The following FYB1 variants were observed in gnomAD, a reference collection of about 807,000 sequenced individuals.
The protein encoded by FYB1 is FYN binding protein 1.
Under a neutral mutation model 94.1 loss-of-function variants are expected in FYB1, and 41 were observed. That is an observed-to-expected ratio of 0.44 (90% CI 0.34 to 0.57). The LOEUF (loss-of-function observed/expected upper bound fraction) is 0.57, where lower values mean the gene tolerates loss of function less well. FYB1 is among the 20% of genes least tolerant of loss of function. FYB1 has a pLI of 0.02. For synonymous variants in FYB1, 367 were observed against 353.2 expected, an observed-to-expected ratio of 1.04 and a Z score of -0.44; for missense variants, 1,050 against 976.8, an observed-to-expected ratio of 1.07 and a Z score of -1.00.
At chr5:39,271,930 T>C (rs576158999) in intron 1 of FYB1, among the ~76,000 whole-genome samples, 1 of 152,290 alleles carries the variant, frequency 6.6e-6, no homozygotes, top group Admixed American at 6.5e-5. Flanking sequence ...GTATAACACA[T>C]TTTCCAGAAT....
rs75534820 is a variant in FYB1, at chr5:39,124,454, C to G, written c.2046-176G>C. ...CTCCACTAAGTCCATTTCTGTTTAT[C>G]AATTTGGAACTTAGCAAGACATTTT... On this transcript the variant is annotated intron_variant, in intron 12 of 18. Coordinates refer to ENST00000512982, the MANE Select transcript of FYB1 (RefSeq NM_001465.6). 2.6e-5 allele frequency: 13 copies of G among 491,528 alleles called. No homozygotes were observed. The African/African-American group carries it at 2.7e-4, about 10-fold the overall frequency. 30.4% of individuals were successfully genotyped at this position (491,528 alleles called of 1,614,324 possible).
intron 2 of FYB1, among the ~76,000 whole-genome samples, chr5:39,197,840 T>C (rs1223567950): frequency 1.3e-5 from 2 of 152,214 alleles, no homozygotes; most frequent in Non-Finnish European, 2.9e-5. Context: ...AGGAGGCATC[T>C]GAGCGCAGAA....
intron 2 of FYB1, among the ~76,000 whole-genome samples, chr5:39,186,311 C>T (rs1746786854): frequency 6.6e-6 from 1 of 152,164 alleles, no homozygotes; most frequent in Non-Finnish European, 1.5e-5. Flanking sequence ...GTAATCCCAG[C>T]TACTCAGGAG....
intron 2 of FYB1, among the ~76,000 whole-genome samples, chr5:39,154,718 G>C (rs906227341): frequency 6.6e-6 from 1 of 151,834 alleles, no homozygotes. Flanking sequence ...TGTATTTTTA[G>C]TAGAGATGGG....
intron 1 of FYB1, among the ~76,000 whole-genome samples, chr5:39,246,589 C>T (rs541390940): frequency 1.6e-4 from 25 of 152,260 alleles, no homozygotes; most frequent in Admixed American, 1.0e-3. Flanking sequence ...TCACAGGGTT[C>T]CCTCTCTTAT....
chr5:39,225,036 A>G (rs1482439294), intron 1 of FYB1, among the ~76,000 whole-genome samples: 2 of 152,192 alleles, frequency 1.3e-5, no homozygotes, highest in African/African-American at 2.4e-5. Flanking sequence ...AGATGTCAGC[A>G]ATCTTTAAGA....
intron 2 of FYB1, among the ~76,000 whole-genome samples, chr5:39,189,104 G>A (rs1364105498): frequency 2.6e-5 from 4 of 152,148 alleles, no homozygotes; most frequent in African/African-American, 4.8e-5. Context: ...TCCATTTAGA[G>A]CTCACAATGA....
At chr5:39,263,134 C>T (rs931696404) in intron 1 of FYB1, among the ~76,000 whole-genome samples, 54 of 151,100 alleles carry the variant, frequency 3.6e-4, no homozygotes, top group South Asian at 2.1e-4. Flanking sequence ...AAAGAAAGGG[C>T]GGATGGAATG....
intron 2 of FYB1, among the ~76,000 whole-genome samples, chr5:39,168,301 T>C (rs1410297124): frequency 6.6e-6 from 1 of 152,220 alleles, no homozygotes; most frequent in Non-Finnish European, 1.5e-5. Flanking sequence ...TCAATTACTG[T>C]AAAACCTTTG....
At chr5:39,129,390 T>C (rs1014569859) in intron 10 of FYB1, among the ~76,000 whole-genome samples, 6 of 152,020 alleles carry the variant, frequency 3.9e-5, no homozygotes, top group African/African-American at 1.4e-4. Flanking sequence ...CTCCAAGACA[T>C]TGGTCTAGGT....
At chr5:39,170,485 A>G in intron 2 of FYB1, 1 of 328,486 alleles carries the variant, frequency 3.0e-6, no homozygotes, top group Non-Finnish European at 5.6e-6. Flanking sequence ...GATTCCCTAC[A>G]TCCAATACAT....
chr5:39,111,911 G>C (rs112070279), intron 16 of FYB1, among the ~76,000 whole-genome samples: 2 of 151,866 alleles, frequency 1.3e-5, no homozygotes, highest in Non-Finnish European at 2.9e-5. Flanking sequence ...GTAGCAAAAA[G>C]TATTAATGTA....
rs567975596 is a variant in FYB1, at chr5:39,252,568, G to A, written c.-28+21835C>T. On this transcript the variant is annotated intron_variant, in intron 1 of 1. Transcript: ENST00000510188. ...GTCAAAGCATATGTCTTAAGAGAAG[G>A]GCTCACAGTATCATTAGCACAGTTA... 2.0e-5 allele frequency among the ~76,000 whole-genome samples: 3 copies of A among 152,200 alleles called. No homozygotes were observed. In the South Asian group the frequency reaches 6.2e-4, roughly 32 times the overall value.
At chr5:39,211,254 T>A (rs1422404942) in intron 1 of FYB1, among the ~76,000 whole-genome samples, 1 of 152,106 alleles carries the variant, frequency 6.6e-6, no homozygotes, top group Non-Finnish European at 1.5e-5. Context: ...AGTTCTTTCA[T>A]TTTTTCTGTT....
chr5:39,239,725 G>A (rs2150584778), intron 1 of FYB1, among the ~76,000 whole-genome samples: 1 of 152,126 alleles, frequency 6.6e-6, no homozygotes, highest in South Asian at 2.1e-4. Flanking sequence ...TATTAAAATG[G>A]CCATACTGTC....
intron 11 of FYB1, among the ~76,000 whole-genome samples, chr5:39,126,725 G>C (rs903871702): frequency 1.1e-4 from 15 of 140,588 alleles, no homozygotes; most frequent in Non-Finnish European, 1.8e-4. Flanking sequence ...AAAAAGCTTG[G>C]ACATCAATTT....
At chr5:39,209,716 C>G (rs1224660015) in intron 1 of FYB1, among the ~76,000 whole-genome samples, 1 of 152,106 alleles carries the variant, frequency 6.6e-6, no homozygotes, top group African/African-American at 2.4e-5. Flanking sequence ...TTTTATTTTT[C>G]CTCCTCAACA....
intron 3 of FYB1, among the ~76,000 whole-genome samples, chr5:39,143,880 A>G (rs959715400): frequency 3.3e-5 from 5 of 152,214 alleles, no homozygotes; most frequent in African/African-American, 1.2e-4. Flanking sequence ...ATATATGCTT[A>G]GCTTTCTATT....
Position 39,134,991 on chromosome 5 carries a change from G to A in FYB1, c.1539C>T (p.Ile513=), listed in dbSNP as rs763304039. Residue 513 remains isoleucine (I), a synonymous_variant, in exon 8 of 19, where the codon ATC becomes ATT. Transcript: ENST00000512982. ...CATCACAACAAGCTTTTGCAAGATGGATGACTTGAATAGGGCCTGTTAGCT... is the reference window on the plus strand; with the variant it reads ...CATCACAACAAGCTTTTGCAAGATGAATGACTTGAATAGGGCCTGTTAGCT... The part of the protein sequence containing the change: ...KFKLTGPIQV[I]HLAKACCDVK... The A allele has an allele frequency of 1.3e-5, 21 of 1,613,630 alleles. No homozygotes were observed. The highest frequency in any genetic ancestry group is 1.7e-5 in the Non-Finnish European group (20 of 1,179,814).
Sources: gnomAD v4.1 joint callset for allele counts (sites outside exome capture counted in the v4.1 genomes callset) on GRCh38, gnomAD v4.1.1 for gene constraint, MANE v1.5 for transcripts, NCBI Gene and HGNC (gene_info 2026-07-23, HGNC 2026-07-21) for gene names.